ADAMTS2: variants seen among roughly 807,000 people sequenced by gnomAD.
ADAMTS2 encodes A disintegrin and metalloproteinase with thrombospondin motifs 2.
ADAMTS2 carries 50 observed loss-of-function variants against 123.0 expected under a neutral mutation model. The observed-to-expected ratio is 0.41, with a 90% CI of 0.32 to 0.51. The LOEUF is 0.51. ADAMTS2 is among the 20% of genes least tolerant of loss of function. The pLI is 0.35. For missense variants in ADAMTS2, 1,494 were observed against 1,705.2 expected (o/e 0.88, Z 2.18); for synonymous variants, 678 against 695.4 (o/e 0.98, Z 0.39).
Position 179,189,510 on chromosome 5 carries a change from GTTT to G in ADAMTS2, c.892-8358_892-8356del, listed in dbSNP as rs146295427. Reference sequence around the variant, plus strand: ...CTACAGGCGCCCGCCAGTGCGCCTGGTTTTTTTTTTTTTTTTTTTTTTTTTTTT... The same window carrying G: ...CTACAGGCGCCCGCCAGTGCGCCTGGTTTTTTTTTTTTTTTTTTTTTTTTT... On this transcript the variant is annotated intron_variant, in intron 4 of 21. Transcript: ENST00000251582. This position sits in a 1 kb window ranked among gnomAD's most constrained non-coding sequence, Gnocchi z 4.2. Among the ~76,000 whole-genome samples, 6 of 78,954 alleles carry G rather than the reference GTTT, an allele frequency of 7.6e-5. No individual in the cohort carries two copies. Among genetic ancestry groups the G allele is most frequent in the African/African-American group, 2.2e-4 (5 of 22,396 alleles). 51.8% of individuals were successfully genotyped at this position (78,954 alleles called of 152,430 possible). A position where few individuals can be genotyped will look rare whatever the true frequency, so the allele number is the denominator to read the frequency against.
At chr5:179,302,459 C>T (rs910129577) in intron 2 of ADAMTS2, among the ~76,000 whole-genome samples, 7 of 148,506 alleles carry the variant, frequency 4.7e-5, no homozygotes, top group South Asian at 4.3e-4. Context: ...AGATTCTCTG[C>T]GGAGGCAGAG....
chr5:179,121,356 G>T, intron 21 of ADAMTS2: 1 of 218,112 alleles, frequency 4.6e-6, no homozygotes, highest in Non-Finnish European at 9.0e-6. Flanking sequence ...GCCGGGACGG[G>T]CTCGGCCCGG....
chr5:179,157,285 A>C (rs1028323942), intron 6 of ADAMTS2, among the ~76,000 whole-genome samples: 1 of 152,136 alleles, frequency 6.6e-6, no homozygotes, highest in Admixed American at 6.5e-5. Flanking sequence ...CAGGTCACTT[A>C]ATATAAAAGC....
rs200685564 is a variant in ADAMTS2 at position 179,328,936 on chromosome 5, A to AT, written c.534+14830dup. Among the ~76,000 whole-genome samples, 1,377 of 152,264 alleles carry AT rather than the reference A, an allele frequency of 9.0e-3. 7 individuals are homozygous for AT. The highest frequency in any genetic ancestry group is 0.015 in the Non-Finnish European group (1,039 of 68,020). ...CTGCAAAGGGGACACTACTTTAGGC[A>AT]TTTTTTTAAAACCTCACGATGGTGA... On this transcript the variant is annotated intron_variant, in intron 2 of 21. Transcript: ENST00000251582.
At chr5:179,320,913 A>G (rs943449389) in intron 2 of ADAMTS2, among the ~76,000 whole-genome samples, 1 of 152,182 alleles carries the variant, frequency 6.6e-6, no homozygotes, top group Non-Finnish European at 1.5e-5. Flanking sequence ...CTCAGAGAAG[A>G]GCAGGCCTGA....
chr5:179,274,436 A>C (rs1766635871), intron 2 of ADAMTS2, among the ~76,000 whole-genome samples: 1 of 151,956 alleles, frequency 6.6e-6, no homozygotes, highest in Non-Finnish European at 1.5e-5. Context: ...ACCCATCGAC[A>C]CTCCAGCTTA....
intron 2 of ADAMTS2, among the ~76,000 whole-genome samples, chr5:179,328,596 ACT>A: frequency 6.6e-6 from 1 of 152,250 alleles, no homozygotes; most frequent in South Asian, 2.1e-4. Flanking sequence ...GTCATTTTTA[ACT>A]CTGTTTTCTC....
chr5:179,330,205 G>A (rs1757447148), intron 2 of ADAMTS2, among the ~76,000 whole-genome samples: 1 of 151,904 alleles, frequency 6.6e-6, no homozygotes, highest in African/African-American at 2.4e-5. Context: ...AGGGTCCCAG[G>A]CCAGCCCAGC....
At chr5:179,264,181 C>A (rs1324389341) in intron 3 of ADAMTS2, among the ~76,000 whole-genome samples, 1 of 152,162 alleles carries the variant, frequency 6.6e-6, no homozygotes, top group Non-Finnish European at 1.5e-5. Context: ...TGTCGCCCCA[C>A]CCCTCTCTAT....
At chr5:179,282,206 C>T (rs1023619796) in intron 2 of ADAMTS2, among the ~76,000 whole-genome samples, 1 of 152,182 alleles carries the variant, frequency 6.6e-6, no homozygotes, top group African/African-American at 2.4e-5. Flanking sequence ...ATATCTAAGA[C>T]TTTGCCTAAT....
intron 19 of ADAMTS2, 157 bp from the exon 20 acceptor site, chr5:179,122,930 C>T (rs1762790489): frequency 9.2e-7 from 1 of 1,083,356 alleles, no homozygotes; most frequent in African/African-American, 1.6e-5. Context: ...CTTGCCCCAC[C>T]CTCGGGGGCA....
chr5:179,174,026 A>AAAAG (rs1561789758), intron 5 of ADAMTS2, among the ~76,000 whole-genome samples: 1 of 151,610 alleles, frequency 6.6e-6, no homozygotes, highest in Non-Finnish European at 1.5e-5. Context: ...AAAAAAAAAA[A>AAAAG]AAAGAAAGAA....
At position 179,343,989 on chromosome 5, in the gene ADAMTS2, C is replaced by A; in HGVS notation, c.312G>T (p.Glu104Asp). 1 of 1,612,700 alleles carries A rather than the reference C, an allele frequency of 6.2e-7. No homozygotes were observed. Among genetic ancestry groups the A allele is most frequent in the Non-Finnish European group, 8.5e-7 (1 of 1,179,884 alleles). ...CATTGTAGAAGAGGTGACTGCCAGG[C>A]TCCTCCTCGTTGCCTCCGGGGAAGC... ...TPSFPGGNEEEPGSHLFYNVT... is the reference protein window; with the variant it reads ...TPSFPGGNEEDPGSHLFYNVT... The change falls in exon 2 of 22, where the codon GAG becomes GAT. Residue 104 changes from glutamate to aspartate, a missense_variant. Glu to Asp is a conservative substitution (Grantham distance 45). Around this residue, in one of 6 missense-constraint regions of ADAMTS2, gnomAD observed 237 missense variants for 233.7 expected, o/e 1.01. Transcript: ENST00000251582.
chr5:179,225,068 T>C lies in ADAMTS2; in HGVS notation c.689-17353A>G, dbSNP rs1400257203. ...TCCCACCTTGAAGGACAGCTCCTGATGGATGTGTTTTATGGTGGAATCCTC... is the reference window on the plus strand; with the variant it reads ...TCCCACCTTGAAGGACAGCTCCTGACGGATGTGTTTTATGGTGGAATCCTC... On this transcript the variant is annotated intron_variant, in intron 3 of 21. Transcript: ENST00000251582. The surrounding 1 kb of genome is among the most constrained non-coding windows in gnomAD (Gnocchi z 4.5). Among the ~76,000 whole-genome samples, 1 of 152,154 alleles carries C rather than the reference T, an allele frequency of 6.6e-6. No individual in the cohort carries two copies. Among genetic ancestry groups the C allele is most frequent in the East Asian group, 1.9e-4 (1 of 5,180 alleles).
chr5:179,121,795 G>A (rs1762768991), intron 20 of ADAMTS2, 45 bp from the exon 21 acceptor site: 1 of 1,394,290 alleles, frequency 7.2e-7, no homozygotes, highest in Non-Finnish European at 9.7e-7. Flanking sequence ...CACCAGGCTG[G>A]GGCCCCCACC....
intron 21 of ADAMTS2, 99 bp downstream of exon 21, chr5:179,121,562 G>C: frequency 1.0e-6 from 1 of 1,002,538 alleles, no homozygotes; most frequent in Non-Finnish European, 1.4e-6. Context: ...AGTCAGGGGA[G>C]CTTTCCATAG....
intron 2 of ADAMTS2, among the ~76,000 whole-genome samples, chr5:179,299,631 G>A (rs915761591): frequency 6.6e-5 from 10 of 151,258 alleles, no homozygotes; most frequent in African/African-American, 2.4e-4. Flanking sequence ...CAAGGTGTGG[G>A]GAGGGCTGCA....
At position 179,181,658 on chromosome 5, in the gene ADAMTS2, C is replaced by A. The variant is rs949850730; in HGVS notation, c.892-503G>T. ...CCCACCACCAGGTATAATGTTTTAA[C>A]GTGTTAATAAAAAGCTCATATTACT... On this transcript the variant is annotated intron_variant, in intron 4 of 21. Coordinates refer to ENST00000251582, the MANE Select transcript of ADAMTS2 (RefSeq NM_014244.5). This position sits in a 1 kb window ranked among gnomAD's most constrained non-coding sequence, Gnocchi z 4.1. Among the ~76,000 whole-genome samples, 1 of 152,158 alleles carries A rather than the reference C, an allele frequency of 6.6e-6. No individual in the cohort carries two copies. Among genetic ancestry groups the A allele is most frequent in the Non-Finnish European group, 1.5e-5 (1 of 68,024 alleles).
intron 3 of ADAMTS2, 152 bp from the exon 4 acceptor site, chr5:179,207,867 G>C (rs1050847939): frequency 1.3e-6 from 1 of 751,258 alleles, no homozygotes; most frequent in African/African-American, 1.7e-5. Flanking sequence ...GAGGTGCAGA[G>C]GAAGATGGCA....
Sources: allele counts gnomAD v4.1 joint callset (sites outside exome capture counted in the v4.1 genomes callset), GRCh38; gene constraint gnomAD v4.1.1; regional missense constraint gnomAD v4.1.1; non-coding constraint Gnocchi (gnomAD v3.1); transcripts MANE v1.5; gene names NCBI Gene and HGNC (gene_info 2026-07-23, HGNC 2026-07-21).